TUBGCP3: variants seen among roughly 807,000 people sequenced by gnomAD.
TUBGCP3 encodes the protein tubulin gamma complex component 3.
In TUBGCP3, 50 loss-of-function variants were observed where a neutral mutation model predicts 123.1. That is an observed-to-expected ratio of 0.41 (90% CI 0.32 to 0.51). The LOEUF is 0.51. TUBGCP3 is among the 20% of genes least tolerant of loss of function. The pLI, the probability that TUBGCP3 is intolerant of heterozygous loss-of-function variation, is 0.36. For missense variants in TUBGCP3, 882 were observed against 1,127.0 expected (o/e 0.78, Z 3.11); for synonymous variants, 405 against 413.9 (o/e 0.98, Z 0.26).
chr13:112,526,762 C>T (rs1034416618), intron 13 of TUBGCP3, among the ~76,000 whole-genome samples, 180 bp downstream of exon 13: 2 of 151,354 alleles, frequency 1.3e-5, no homozygotes. Flanking sequence ...ACGCATTCAT[C>T]ATCGCCATCA....
intron 1 of TUBGCP3, among the ~76,000 whole-genome samples, chr13:112,579,366 T>C (rs536673003): frequency 2.4e-4 from 37 of 151,176 alleles, no homozygotes; most frequent in African/African-American, 8.0e-4. Flanking sequence ...CCCACACTGC[T>C]GAATGCCCGC....
chr13:112,562,842 C>A (rs564737287), intron 3 of TUBGCP3, among the ~76,000 whole-genome samples: 2 of 152,344 alleles, frequency 1.3e-5, no homozygotes, highest in East Asian at 1.9e-4. Context: ...TCTAGAGGAA[C>A]ACCAAATAAA....
At chr13:112,570,058 C>G (rs1345092640) in intron 1 of TUBGCP3, among the ~76,000 whole-genome samples, 1 of 152,106 alleles carries the variant, frequency 6.6e-6, no homozygotes, top group Non-Finnish European at 1.5e-5. Flanking sequence ...AGGGGGAGAC[C>G]TGGCTGCAAG....
chr13:112,555,758 A>T (rs1353890163), intron 6 of TUBGCP3, among the ~76,000 whole-genome samples: 2 of 152,170 alleles, frequency 1.3e-5, no homozygotes, highest in Non-Finnish European at 2.9e-5. Flanking sequence ...ATGAAAACAG[A>T]CAGGGAGAAT....
In TUBGCP3 at chr13:112,502,640, G is replaced by A. The variant is rs111447672; in HGVS notation, c.2307+1392C>T. On this transcript the variant is annotated intron_variant, in intron 19 of 21. Transcript: ENST00000261965. ...GGCTCACTGCAAGCTCCGCCTCCCG[G>A]GTTCACGCCATTCTCCTGCCTCAGC... Among the ~76,000 whole-genome samples, 946 of 150,392 alleles carry A rather than the reference G, an allele frequency of 6.3e-3. 4 individuals carry two copies. The highest frequency in any genetic ancestry group is 0.022 in the African/African-American group (903 of 40,698).
At chr13:112,537,930 C>T (rs2139135242) in intron 11 of TUBGCP3, among the ~76,000 whole-genome samples, 1 of 152,302 alleles carries the variant, frequency 6.6e-6, no homozygotes, top group South Asian at 2.1e-4. Context: ...ATTTTGACAT[C>T]ATTTTTGAAT....
the TUBGCP3 span, among the ~76,000 whole-genome samples, chr13:112,594,834 A>G: frequency 6.6e-6 from 1 of 152,206 alleles, no homozygotes; most frequent in Non-Finnish European, 1.5e-5. Context: ...ATGGATAATG[A>G]AAAGTGTGTT....
rs1020422159 is a variant in TUBGCP3, at chr13:112,508,722, C to G, written c.2087-4008G>C. 2.6e-5 allele frequency among the ~76,000 whole-genome samples: 4 copies of G among 152,286 alleles called. No individual in the cohort carries two copies. In the East Asian group the frequency reaches 7.7e-4, roughly 29 times the overall value. On this transcript the variant is annotated intron_variant, in intron 17 of 21. Coordinates refer to ENST00000261965, the MANE Select transcript of TUBGCP3 (RefSeq NM_006322.6). This position sits in a 1 kb window ranked among gnomAD's most constrained non-coding sequence, Gnocchi z 4.2. ...GTATTTGAATGGAATCACTATCCCC[C>G]CCAAAGAAGCTCTTCCTCCAGTGCT...
intron 8 of TUBGCP3, among the ~76,000 whole-genome samples, chr13:112,550,870 GGGCA>G (rs1879510638): frequency 6.6e-6 from 1 of 152,144 alleles, no homozygotes; most frequent in South Asian, 2.1e-4. Context: ...AGGCCAAGGC[GGGCA>G]GATCATGAGG....
intron 1 of TUBGCP3, 63 bp from the exon 2 acceptor site, chr13:112,569,322 C>G: frequency 6.6e-7 from 1 of 1,509,736 alleles, no homozygotes; most frequent in East Asian, 2.3e-5. Flanking sequence ...TCACCTGAAG[C>G]TTCCAGTTCA....
chr13:112,544,312 C>T (rs1044640754), intron 11 of TUBGCP3, among the ~76,000 whole-genome samples: 1 of 151,946 alleles, frequency 6.6e-6, no homozygotes, highest in African/African-American at 2.4e-5. Flanking sequence ...ATTAGCCAGG[C>T]ATGGTGGCGG....
In TUBGCP3 at chr13:112,548,992, C is replaced by T. The variant is rs1451226332; in HGVS notation, c.967-816G>A. 2.6e-5 allele frequency among the ~76,000 whole-genome samples: 4 copies of T among 152,182 alleles called. No individual in the cohort carries two copies. The East Asian group carries it at 7.7e-4, about 29-fold the overall frequency. On this transcript the variant is annotated intron_variant, in intron 8 of 21. Transcript: ENST00000261965. The stretch of plus-strand genomic sequence containing the variant: ...CAGCCATCCCATTAGTGGGTATATA[C>T]CCAAAGGACTATAAATCATGCTGCT...
intron 13 of TUBGCP3, among the ~76,000 whole-genome samples, chr13:112,526,613 C>CACT (rs1877138147): frequency 6.6e-6 from 1 of 151,058 alleles, no homozygotes; most frequent in Admixed American, 6.6e-5. Context: ...TCATCATCAC[C>CACT]ATCATCACTA....
At position 112,519,589 on chromosome 13, in the gene TUBGCP3, T is replaced by C. The variant is rs1304438055; in HGVS notation, c.1881+297A>G. On this transcript the variant is annotated intron_variant, in intron 15 of 21. Transcript: ENST00000261965. This position sits in a 1 kb window ranked among gnomAD's most constrained non-coding sequence, Gnocchi z 6.2. ...AGCACCATTTTCTAAGCATCTGTGA[T>C]ATGCTGCCCAGCACAGGGCAAGGGT... Among the ~76,000 whole-genome samples the C allele has an allele frequency of 6.6e-6, 1 of 152,222 alleles. No individual in the cohort carries two copies. The highest frequency in any genetic ancestry group is 1.5e-5 in the Non-Finnish European group (1 of 68,038).
chr13:112,603,431 C>T, the TUBGCP3 span: 2 of 152,108 alleles, frequency 1.3e-5, no homozygotes, highest in Admixed American at 6.6e-5. Context: ...TTCCATATAA[C>T]GGTCCTAAAT....
rs1880039756 is a variant in TUBGCP3 at position 112,556,340 on chromosome 13, A to G, written c.549-116T>C. 3 of 997,496 alleles carry G rather than the reference A, an allele frequency of 3.0e-6. No individual in the cohort carries two copies. In the East Asian group the frequency reaches 7.9e-5, roughly 26 times the overall value. The allele number at this position is 997,496 out of a possible 1,614,324, so 61.8% of individuals were successfully genotyped here. On this transcript the variant is annotated intron_variant, in intron 5 of 21. Coordinates refer to ENST00000261965, the MANE Select transcript of TUBGCP3 (RefSeq NM_006322.6). Reference sequence around the variant, plus strand: ...AATTACATAAATTTATAAATCTGGTATAGCTGATACCATGACTTTACCCTA... The same window carrying G: ...AATTACATAAATTTATAAATCTGGTGTAGCTGATACCATGACTTTACCCTA...
At chr13:112,604,821 C>G in the TUBGCP3 span, 1 of 152,160 alleles carries the variant, frequency 6.6e-6, no homozygotes, top group Non-Finnish European at 1.5e-5. Context: ...CCTTTTCACT[C>G]AATATCATAT....
chr13:112,506,503 C>T (rs1263092754), intron 17 of TUBGCP3, among the ~76,000 whole-genome samples: 1 of 152,196 alleles, frequency 6.6e-6, no homozygotes, highest in Non-Finnish European at 1.5e-5. Flanking sequence ...GCTCTAAGAC[C>T]CTCAGAAGAG....
Position 112,527,077 on chromosome 13 carries a change from C to T in TUBGCP3, c.1447-27G>A, listed in dbSNP as rs45512505. The T allele has an allele frequency of 1.0e-3, 1,603 of 1,545,954 alleles. 3 individuals are homozygous for T. The highest frequency in any genetic ancestry group is 2.4e-3 in the Middle Eastern group (14 of 5,886). ...TAAAAAGAAAAACATTCTATGATTA[C>T]TTTTATGTAAATTTAAAACGACTGC... On this transcript the variant is annotated intron_variant, in intron 12 of 21. Coordinates refer to ENST00000261965, the MANE Select transcript of TUBGCP3 (RefSeq NM_006322.6).
Sources: allele counts gnomAD v4.1 joint callset (sites outside exome capture counted in the v4.1 genomes callset), GRCh38; gene constraint gnomAD v4.1.1; non-coding constraint Gnocchi (gnomAD v3.1); transcripts MANE v1.5; gene names NCBI Gene and HGNC (gene_info 2026-07-23, HGNC 2026-07-21).